DLGAP2: variants seen among roughly 807,000 people sequenced by gnomAD.
The protein encoded by DLGAP2 is disks large-associated protein 2.
In DLGAP2, 26 loss-of-function variants were observed where a neutral mutation model predicts 100.3. The ratio of observed to expected loss-of-function variants is 0.26; its 90% CI spans 0.19 to 0.36. The LOEUF is 0.36. Ranked by LOEUF, DLGAP2 falls within the 10% of genes least tolerant of loss-of-function variation. The pLI, the probability that DLGAP2 is intolerant of heterozygous loss-of-function variation, is 1.00. For synonymous variants in DLGAP2, 886 were observed against 630.1 expected (o/e 1.41, Z -6.08); for missense variants, 1,858 against 1,453.2 (o/e 1.28, Z -4.53).
intron 2 of DLGAP2, among the ~76,000 whole-genome samples, chr8:1,125,113 C>T (rs1046915490): frequency 1.5e-4 from 23 of 152,296 alleles, no homozygotes; most frequent in Admixed American, 1.3e-3. Flanking sequence ...CTGGCAGACT[C>T]GGACCATTTT....
intron 2 of DLGAP2, among the ~76,000 whole-genome samples, chr8:935,604 T>C (rs967464242): frequency 6.6e-6 from 1 of 152,176 alleles, no homozygotes; most frequent in Non-Finnish European, 1.5e-5. Context: ...CTCTGTCGCA[T>C]TTGCATACTC....
At chr8:1,132,587 G>A (rs1016427118) in intron 2 of DLGAP2, among the ~76,000 whole-genome samples, 9 of 152,274 alleles carry the variant, frequency 5.9e-5, no homozygotes, top group East Asian at 1.9e-4. Flanking sequence ...GCATGCACTC[G>A]CCCAACACAG....
intron 1 of DLGAP2, among the ~76,000 whole-genome samples, chr8:830,363 C>A (rs144764292): frequency 6.6e-6 from 1 of 152,106 alleles, no homozygotes; most frequent in Non-Finnish European, 1.5e-5. Flanking sequence ...AAACTATAGT[C>A]ACTCCTGTTA....
intron 1 of DLGAP2, among the ~76,000 whole-genome samples, chr8:864,720 G>A (rs1302256888): frequency 6.6e-6 from 1 of 152,180 alleles, no homozygotes; most frequent in Admixed American, 6.5e-5. Flanking sequence ...AGTGTTCTCT[G>A]TTTCAGAAGC....
At position 1,200,273 on chromosome 8, in the gene DLGAP2, G is replaced by A. The variant is rs117237554; in HGVS notation, c.74-58578G>A. Among the ~76,000 whole-genome samples, 514 of 152,266 alleles carry A rather than the reference G, an allele frequency of 3.4e-3. 2 individuals carry two copies. Among genetic ancestry groups the A allele is most frequent in the Non-Finnish European group, 6.1e-3 (417 of 68,022 alleles). ...CTCTTTCCCCATCGAGGCTTCATGC[G>A]CCGTCTCCAGCCTCTTGCTCCGGGG... On this transcript the variant is annotated intron_variant, in intron 2 of 14. Transcript: ENST00000637795.
intron 6 of DLGAP2, among the ~76,000 whole-genome samples, chr8:1,575,813 C>T (rs1285563292): frequency 1.3e-5 from 2 of 151,834 alleles, no homozygotes; most frequent in Non-Finnish European, 2.9e-5. Flanking sequence ...CTTTTTATGG[C>T]TGCGTAGTTT....
At chr8:777,986 C>G (rs1262743485) in intron 1 of DLGAP2, among the ~76,000 whole-genome samples, 1 of 152,108 alleles carries the variant, frequency 6.6e-6, no homozygotes, top group African/African-American at 2.4e-5. Context: ...TTCAGGTACA[C>G]CAATCAGACG....
intron 2 of DLGAP2, among the ~76,000 whole-genome samples, chr8:1,049,634 A>T (rs938631747): frequency 2.0e-5 from 3 of 152,062 alleles, no homozygotes; most frequent in Non-Finnish European, 4.4e-5. Context: ...AGTGTGCTGG[A>T]TTTACTTTCA....
chr8:1,368,624 C>G (rs1014020838), intron 3 of DLGAP2: 7 of 152,128 alleles, frequency 4.6e-5, no homozygotes, highest in African/African-American at 1.7e-4. Context: ...TTCAAGATGA[C>G]TAAGATGTTT....
intron 3 of DLGAP2, among the ~76,000 whole-genome samples, chr8:1,480,874 A>C (rs1799073153): frequency 6.6e-6 from 1 of 150,820 alleles, no homozygotes; most frequent in African/African-American, 2.5e-5. Context: ...ATAAAAAAAA[A>C]AGAAAAGAAA....
chr8:1,434,264 G>C (rs571011868), intron 3 of DLGAP2, among the ~76,000 whole-genome samples: 6 of 152,174 alleles, frequency 3.9e-5, no homozygotes, highest in Admixed American at 1.3e-4. Context: ...TTTTCCTGCA[G>C]ATTATCTGAG....
intron 3 of DLGAP2, among the ~76,000 whole-genome samples, chr8:1,480,160 T>C (rs972772933): frequency 5.3e-5 from 8 of 152,178 alleles, no homozygotes; most frequent in Non-Finnish European, 8.8e-5. Flanking sequence ...TAACCACCAC[T>C]GTACCGAACA....
At chr8:1,028,246 G>C (rs1343483937) in intron 2 of DLGAP2, among the ~76,000 whole-genome samples, 1 of 131,818 alleles carries the variant, frequency 7.6e-6, no homozygotes, top group Admixed American at 7.4e-5. Flanking sequence ...TCTCCAGGTG[G>C]GGTGTCAGGC....
At chr8:847,497 C>CT (rs1797092667) in intron 1 of DLGAP2, among the ~76,000 whole-genome samples, 1 of 151,708 alleles carries the variant, frequency 6.6e-6, no homozygotes, top group African/African-American at 2.4e-5. Context: ...TGATTGTGTA[C>CT]TTTTTTCTTT....
chr8:790,884 TACAGGTGC>T (rs912483830), intron 1 of DLGAP2, among the ~76,000 whole-genome samples: 7 of 152,074 alleles, frequency 4.6e-5, no homozygotes, highest in African/African-American at 1.7e-4. Flanking sequence ...TAGCTGGGAC[TACAGGTGC>T]ACGCCACCAT....
At chr8:1,266,343 G>A (rs896336308) in intron 3 of DLGAP2, among the ~76,000 whole-genome samples, 22 of 152,174 alleles carry the variant, frequency 1.4e-4, no homozygotes, top group Non-Finnish European at 2.1e-4. Flanking sequence ...CCAGATGAGC[G>A]CAGATTCACC....
At chr8:1,381,469 C>T (rs959221599) in intron 3 of DLGAP2, 2 of 152,188 alleles carry the variant, frequency 1.3e-5, no homozygotes, top group African/African-American at 2.4e-5. Flanking sequence ...CAGTGATGAC[C>T]ACAACTGGGT....
At chr8:929,608 ACACCCCCCGC>A (rs1798907838) in intron 2 of DLGAP2, among the ~76,000 whole-genome samples, 1 of 690 alleles carries the variant, frequency 1.4e-3, no homozygotes, top group Admixed American at 0.029. Flanking sequence ...TAAACATCCC[ACACCCCCCGC>A]CATTCCCCCT....
chr8:1,187,204 C>G (rs567465712), intron 2 of DLGAP2, among the ~76,000 whole-genome samples: 1 of 152,330 alleles, frequency 6.6e-6, no homozygotes, highest in African/African-American at 2.4e-5. Flanking sequence ...TGACATTTCC[C>G]TCACGGAATT....
Sources: gnomAD v4.1 joint callset for allele counts (sites outside exome capture counted in the v4.1 genomes callset) on GRCh38, gnomAD v4.1.1 for gene constraint, MANE v1.5 for transcripts, NCBI Gene and HGNC (gene_info 2026-07-23, HGNC 2026-07-21) for gene names.